Variants in RELN observed in about 807,000 individuals in gnomAD.
The protein encoded by RELN is reelin.
RELN carries 108 observed loss-of-function variants against 427.6 expected under a neutral mutation model. The observed-to-expected ratio is 0.25, with a 90% CI of 0.22 to 0.30. RELN has a LOEUF of 0.30. RELN is among the 10% of genes least tolerant of loss of function. The probability of loss-of-function intolerance (pLI) is 1.00; values close to 1 mark genes in which losing one functional copy is unlikely to be tolerated. For synonymous variants in RELN, 1,524 were observed against 1,513.4 expected (o/e 1.01, Z -0.16); for missense variants, 3,715 against 4,302.8 (o/e 0.86, Z 3.82).
At chr7:103,764,931 G>A (rs1791392384) in intron 4 of RELN, among the ~76,000 whole-genome samples, 1 of 151,860 alleles carries the variant, frequency 6.6e-6, no homozygotes, top group Non-Finnish European at 1.5e-5. Flanking sequence ...AAAGAAAAGA[G>A]AAGTCAGGTA....
At chr7:103,946,248 A>G (rs1007172083) in intron 1 of RELN, among the ~76,000 whole-genome samples, 9 of 152,228 alleles carry the variant, frequency 5.9e-5, no homozygotes, top group African/African-American at 2.2e-4. Context: ...AAAACTAATT[A>G]AAACTATTAT....
chr7:103,900,868 A>G (rs1319364557), intron 2 of RELN, among the ~76,000 whole-genome samples: 1 of 152,126 alleles, frequency 6.6e-6, no homozygotes, highest in Non-Finnish European at 1.5e-5. Context: ...CTTAAATGTA[A>G]GAAATAGGAC....
chr7:103,489,981 G>A (rs780029212), intron 59 of RELN, 82 bp from the exon 60 acceptor site: 179 of 1,537,742 alleles, frequency 1.2e-4, no homozygotes, highest in Non-Finnish European at 1.5e-4. Context: ...TCTGGGAGAG[G>A]GGACTATTTG....
At chr7:103,511,377 G>A (rs911620512) in intron 50 of RELN, among the ~76,000 whole-genome samples, 5 of 152,138 alleles carry the variant, frequency 3.3e-5, no homozygotes, top group Admixed American at 2.0e-4. Context: ...TTTATTTACA[G>A]TGTCTCGTTT....
intron 1 of RELN, among the ~76,000 whole-genome samples, chr7:103,937,152 A>T (rs1478890747): frequency 1.3e-5 from 2 of 152,240 alleles, no homozygotes; most frequent in Non-Finnish European, 2.9e-5. Flanking sequence ...AAAATAAATA[A>T]ATGAAAATAT....
intron 49 of RELN, among the ~76,000 whole-genome samples, chr7:103,518,356 G>T: frequency 1.6e-5 from 2 of 121,428 alleles, no homozygotes; most frequent in African/African-American, 3.2e-5. Context: ...TTTTAAAGAT[G>T]CGGTCTTACT....
At chr7:103,952,617 A>T (rs145247981) in intron 1 of RELN, among the ~76,000 whole-genome samples, 2 of 152,232 alleles carry the variant, frequency 1.3e-5, no homozygotes, top group Non-Finnish European at 2.9e-5. Flanking sequence ...GGGTATTGAA[A>T]TGTGTCACTG....
chr7:103,510,397 A>C (rs1337784976), intron 51 of RELN, among the ~76,000 whole-genome samples: 16 of 152,220 alleles, frequency 1.1e-4, no homozygotes, highest in Admixed American at 7.2e-4. Context: ...ACAGAAAACC[A>C]AACACCACAT....
rs1341248722 is a variant in RELN, at chr7:103,640,398, T to G, written c.2069+145A>C. On this transcript the variant is annotated intron_variant, in intron 17 of 64. Coordinates refer to ENST00000428762, the MANE Select transcript of RELN (RefSeq NM_005045.4). The surrounding 1 kb of genome is among the most constrained non-coding windows in gnomAD (Gnocchi z 4.1). ...TTTTCACTTAAAAATACATTTGAAT[T>G]ACACTTAAGTTCTAATAGAAATATC... The G allele has an allele frequency of 1.3e-6, 1 of 749,346 alleles. No individual in the cohort carries two copies. The highest frequency in any genetic ancestry group is 1.8e-5 in the African/African-American group (1 of 57,046). 46.4% of individuals were successfully genotyped at this position (749,346 alleles called of 1,614,324 possible).
intron 20 of RELN, among the ~76,000 whole-genome samples, chr7:103,624,063 C>T (rs1044303649): frequency 1.3e-5 from 2 of 152,064 alleles, no homozygotes; most frequent in African/African-American, 4.8e-5. Flanking sequence ...AGCTCTTATG[C>T]TAAATGAACT....
chr7:103,661,004 T>C (rs3757739), intron 12 of RELN, among the ~76,000 whole-genome samples: 5,412 of 152,300 alleles, frequency 0.036, 155 homozygotes, highest in East Asian at 0.14. Flanking sequence ...TGATGAGATA[T>C]TCATGAAAAC....
chr7:103,984,919 G>T (rs531522604), intron 1 of RELN, among the ~76,000 whole-genome samples: 1 of 151,974 alleles, frequency 6.6e-6, no homozygotes, highest in East Asian at 1.9e-4. Flanking sequence ...CAAAAATTAC[G>T]TCTGACATAA....
chr7:103,696,829 G>A (rs1202114424), intron 10 of RELN, among the ~76,000 whole-genome samples: 1 of 152,016 alleles, frequency 6.6e-6, no homozygotes, highest in African/African-American at 2.4e-5. Flanking sequence ...AATATGATTG[G>A]CTCCTGTTTA....
chr7:103,698,769 C>A (rs1189629150), intron 9 of RELN, among the ~76,000 whole-genome samples: 2 of 152,150 alleles, frequency 1.3e-5, no homozygotes, highest in African/African-American at 2.4e-5. Context: ...TCTGCCTCAG[C>A]CTCCCAAAGT....
intron 3 of RELN, among the ~76,000 whole-genome samples, chr7:103,783,510 C>T (rs1791945368): frequency 6.6e-6 from 1 of 152,096 alleles, no homozygotes; most frequent in African/African-American, 2.4e-5. Context: ...ATAGTTACAT[C>T]TTTTATTCCT....
intron 22 of RELN, among the ~76,000 whole-genome samples, chr7:103,609,178 G>A (rs955164302): frequency 6.8e-5 from 10 of 148,036 alleles, no homozygotes; most frequent in South Asian, 2.1e-4. Flanking sequence ...AGCCAAGGTC[G>A]CGCCACTGCA....
intron 1 of RELN, among the ~76,000 whole-genome samples, chr7:103,920,579 G>T (rs7781879): frequency 0.031 from 2,759 of 88,184 alleles, 73 homozygotes; most frequent in African/African-American, 0.13. Context: ...TTTTTTTTTT[G>T]TTTTTTTTTT....
chr7:103,568,311 T>C (rs1034732486), intron 31 of RELN, among the ~76,000 whole-genome samples: 1 of 152,162 alleles, frequency 6.6e-6, no homozygotes, highest in Non-Finnish European at 1.5e-5. Context: ...CAAAGGATGA[T>C]GCCAGGAACA....
At chr7:103,653,464 C>G (rs1832964319) in intron 13 of RELN, among the ~76,000 whole-genome samples, 1 of 152,006 alleles carries the variant, frequency 6.6e-6, no homozygotes, top group Admixed American at 6.6e-5. Flanking sequence ...TTTAAAAGTA[C>G]TTAGGGTACC....
Sources: allele counts gnomAD v4.1 joint callset (sites outside exome capture counted in the v4.1 genomes callset), GRCh38; gene constraint gnomAD v4.1.1; non-coding constraint Gnocchi (gnomAD v3.1); transcripts MANE v1.5; gene names NCBI Gene and HGNC (gene_info 2026-07-23, HGNC 2026-07-21).